The following DSCAML1 variants were observed in gnomAD, a reference collection of about 807,000 sequenced individuals.
The protein encoded by DSCAML1 is cell adhesion molecule DSCAML1.
In DSCAML1, 38 loss-of-function variants were observed where a neutral mutation model predicts 200.5. That is an observed-to-expected ratio of 0.19 (90% CI 0.15 to 0.25). The LOEUF (loss-of-function observed/expected upper bound fraction) is 0.25. Among genes scored for constraint, DSCAML1 ranks in the 10% least tolerant of loss-of-function variants. The pLI, the probability that DSCAML1 is intolerant of heterozygous loss-of-function variation, is 1.00. For missense variants in DSCAML1, 2,223 were observed against 2,858.8 expected (o/e 0.78, Z 5.07); for synonymous variants, 1,215 against 1,165.0 (o/e 1.04, Z -0.87).
In DSCAML1 at chr11:117,679,309, C is replaced by G. The variant is rs556027681; in HGVS notation, c.511+97482G>C. 1.2e-4 allele frequency among the ~76,000 whole-genome samples: 18 copies of G among 152,320 alleles called. 1 individual carries two copies. The East Asian group carries it at 3.5e-3, about 29-fold the overall frequency. On this transcript the variant is annotated intron_variant, in intron 3 of 32. Transcript: ENST00000651296. ...GGATTCATGAACCAGGCAGCTGGTG[C>G]GGCGGTCGGAGCTGCGGCTGTGCAG...
chr11:117,505,422 C>T lies in DSCAML1; in HGVS notation c.2062+32G>A. The T allele has an allele frequency of 6.3e-7, 1 of 1,596,490 alleles. No individual in the cohort carries two copies. Among genetic ancestry groups the T allele is most frequent in the Non-Finnish European group, 8.5e-7 (1 of 1,174,214 alleles). Reference sequence around the variant, plus strand: ...GTAGCAGCAGGCAGAATGGGCTCCTCCCTCCCCTGAGGCTGGCCTGTCCCT... The same window carrying T: ...GTAGCAGCAGGCAGAATGGGCTCCTTCCTCCCCTGAGGCTGGCCTGTCCCT... On this transcript the variant is annotated intron_variant, in intron 9 of 32. Transcript: ENST00000651296. This position sits in a 1 kb window ranked among gnomAD's most constrained non-coding sequence, Gnocchi z 6.7.
intron 3 of DSCAML1, among the ~76,000 whole-genome samples, chr11:117,544,391 A>T (rs1591246073): frequency 6.6e-6 from 1 of 152,100 alleles, no homozygotes; most frequent in African/African-American, 2.4e-5. Flanking sequence ...CTTTCCTCCC[A>T]AGCTATTTGT....
chr11:117,458,130 T>C lies in DSCAML1; in HGVS notation c.3568+624A>G, dbSNP rs114083258. Among the ~76,000 whole-genome samples the C allele has an allele frequency of 4.0e-3, 615 of 152,288 alleles. 4 individuals carry two copies. The highest frequency in any genetic ancestry group is 0.014 in the African/African-American group (582 of 41,558). On this transcript the variant is annotated intron_variant, in intron 19 of 32. Transcript: ENST00000651296. ...CTGGGTGGAAGCCTGGTCCTTCTCC[T>C]GGCCTGTTCCTCCTGGGCTGACTTC...
At chr11:117,759,505 A>G (rs11216537) in intron 3 of DSCAML1, among the ~76,000 whole-genome samples, 141,924 of 152,234 alleles carry the variant, frequency 0.93, 66,764 homozygotes, top group East Asian at 1. Context: ...TTCTCTCTCA[A>G]GTTTCCCTAT....
intron 3 of DSCAML1, among the ~76,000 whole-genome samples, chr11:117,696,913 A>G (rs1014222403): frequency 6.6e-6 from 1 of 152,196 alleles, no homozygotes; most frequent in African/African-American, 2.4e-5. Flanking sequence ...TTGTCATCTG[A>G]GGCAGCTGCT....
Position 117,780,673 on chromosome 11 carries a change from C to T in DSCAML1, c.184G>A (p.Ala62Thr). 6.3e-7 allele frequency: 1 copy of T among 1,593,646 alleles called. No homozygotes were observed. The highest frequency in any genetic ancestry group is 8.6e-7 in the Non-Finnish European group (1 of 1,168,816). Residue 62 changes from alanine to threonine, a missense_variant, in exon 2 of 33, where the codon GCC (alanine) becomes ACC (threonine). Physicochemically the swap from Ala to Thr is moderately conservative, Grantham distance 58 (BLOSUM62 0). This residue lies in a region of DSCAML1 where 579 missense variants were observed against 721.5 expected (regional missense o/e 0.80). Transcript: ENST00000651296. The surrounding 1 kb of genome is among the most constrained non-coding windows in gnomAD (Gnocchi z 4.8). The stretch of plus-strand genomic sequence containing the variant: ...ACGTCGTAGATGTCGTCCCCTGTGG[C>T]CAGGTACCATCGAAGGGCCGCGCTG... ...SPSAALRWYL[A>T]TGDDIYDVPH...
intron 2 of DSCAML1, among the ~76,000 whole-genome samples, chr11:117,777,188 C>T (rs375935348): frequency 3.9e-4 from 59 of 152,306 alleles, no homozygotes; most frequent in African/African-American, 1.3e-3. Flanking sequence ...AAATATCTGG[C>T]CTCCCTCTGC....
At chr11:117,478,712 T>C (rs1160186522) in intron 14 of DSCAML1, among the ~76,000 whole-genome samples, 2 of 152,236 alleles carry the variant, frequency 1.3e-5, no homozygotes, top group African/African-American at 4.8e-5. Context: ...AGCCCTGTGC[T>C]AGATCATAGG....
At chr11:117,720,901 G>A (rs560656998) in intron 3 of DSCAML1, among the ~76,000 whole-genome samples, 2 of 152,336 alleles carry the variant, frequency 1.3e-5, no homozygotes, top group South Asian at 4.1e-4. Flanking sequence ...AGGTTACGCT[G>A]AGTCCTACAT....
chr11:117,627,511 C>T (rs1436663725), intron 3 of DSCAML1, among the ~76,000 whole-genome samples: 4 of 152,142 alleles, frequency 2.6e-5, no homozygotes, highest in Admixed American at 1.3e-4. Flanking sequence ...TCACCACACT[C>T]GTGCCTTCCC....
Position 117,583,362 on chromosome 11 carries a change from T to C in DSCAML1, c.512-50840A>G, listed in dbSNP as rs562851965. Reference sequence around the variant, plus strand: ...GCTCAAGATCCTTCCTCAGCTCCCCTTCACCTATAGAACACTAGCCAATGT... The same window carrying C: ...GCTCAAGATCCTTCCTCAGCTCCCCCTCACCTATAGAACACTAGCCAATGT... On this transcript the variant is annotated intron_variant, in intron 3 of 32. Coordinates refer to ENST00000651296, the MANE Select transcript of DSCAML1 (RefSeq NM_020693.4). Among the ~76,000 whole-genome samples the C allele has an allele frequency of 1.5e-4, 23 of 152,284 alleles. No homozygotes were observed. In the East Asian group the frequency reaches 4.4e-3, roughly 29 times the overall value.
intron 3 of DSCAML1, among the ~76,000 whole-genome samples, chr11:117,585,783 C>T (rs1172656433): frequency 6.6e-6 from 1 of 152,128 alleles, no homozygotes; most frequent in African/African-American, 2.4e-5. Context: ...GTCGCCAGGG[C>T]CAGGGACCCA....
At chr11:117,651,549 CAA>C (rs1294743366) in intron 3 of DSCAML1, among the ~76,000 whole-genome samples, 3 of 139,518 alleles carry the variant, frequency 2.2e-5, no homozygotes, top group Admixed American at 7.2e-5. Flanking sequence ...ACTAAAAATA[CAA>C]AAAAAAAAAA....
At chr11:117,451,444 T>C (rs1334354154) in intron 19 of DSCAML1, among the ~76,000 whole-genome samples, 1 of 152,218 alleles carries the variant, frequency 6.6e-6, no homozygotes, top group South Asian at 2.1e-4. Context: ...CCCATTCAAT[T>C]TATTTTACCT....
At chr11:117,494,486 A>G (rs2049252897) in intron 11 of DSCAML1, among the ~76,000 whole-genome samples, 1 of 152,232 alleles carries the variant, frequency 6.6e-6, no homozygotes, top group Non-Finnish European at 1.5e-5. Context: ...GCATTCAGAT[A>G]GCAGCAGTTA....
intron 8 of DSCAML1, among the ~76,000 whole-genome samples, chr11:117,512,512 G>A (rs189746729): frequency 4.2e-4 from 64 of 152,328 alleles, no homozygotes; most frequent in African/African-American, 1.5e-3. Flanking sequence ...ACGTCCCAGA[G>A]CCCCTCACAC....
At chr11:117,729,631 A>G (rs1050598615) in intron 3 of DSCAML1, among the ~76,000 whole-genome samples, 1 of 152,260 alleles carries the variant, frequency 6.6e-6, no homozygotes, top group Non-Finnish European at 1.5e-5. Context: ...CTAAGAAAAT[A>G]TATGAATGGC....
At chr11:117,693,428 C>T (rs1178777009) in intron 3 of DSCAML1, among the ~76,000 whole-genome samples, 3 of 152,196 alleles carry the variant, frequency 2.0e-5, no homozygotes, top group African/African-American at 7.2e-5. Context: ...GAAAAACATG[C>T]CTTCTGGGTT....
chr11:117,797,279 G>A (rs936259225), upstream of DSCAML1: 1 of 1,345,434 alleles, frequency 7.4e-7, no homozygotes, highest in Middle Eastern at 2.7e-4. Context: ...TGGGCTAGGC[G>A]GCCGCTCTCC....
Sources: allele counts gnomAD v4.1 joint callset (sites outside exome capture counted in the v4.1 genomes callset), GRCh38; gene constraint gnomAD v4.1.1; regional missense constraint gnomAD v4.1.1; non-coding constraint Gnocchi (gnomAD v3.1); transcripts MANE v1.5; gene names NCBI Gene and HGNC (gene_info 2026-07-23, HGNC 2026-07-21).